The following TAF1B variants were observed in gnomAD, a reference collection of about 807,000 sequenced individuals.
The protein encoded by TAF1B is TATA box-binding protein-associated factor RNA polymerase I subunit B.
A neutral mutation model predicts 83.9 loss-of-function variants in TAF1B; 61 were observed. The observed-to-expected ratio is 0.73, with a 90% CI of 0.59 to 0.90. The LOEUF is 0.90. Ranked by LOEUF, TAF1B falls within the 40% of genes least tolerant of loss-of-function variation. The pLI is 0.00. For synonymous variants in TAF1B, 221 were observed against 224.6 expected, an observed-to-expected ratio of 0.98 and a Z score of 0.14; for missense variants, 625 against 677.0, an observed-to-expected ratio of 0.92 and a Z score of 0.85.
intron 3 of TAF1B, among the ~76,000 whole-genome samples, chr2:9,850,856 C>T (rs538871558): frequency 1.3e-5 from 2 of 152,154 alleles, no homozygotes; most frequent in East Asian, 3.8e-4. Flanking sequence ...AAATAACCCA[C>T]GTAAGATACC....
At chr2:9,851,114 TTCATTTAGGATTCTGCTGGGCATCGTTCA>T (rs1359015339) in intron 3 of TAF1B, among the ~76,000 whole-genome samples, 10 of 152,194 alleles carry the variant, frequency 6.6e-5, no homozygotes, top group African/African-American at 2.4e-4. Context: ...ACTTAGTCCT[TTCATTTAGGATTCTGCTGGGCATCGTTCA>T]TCATTTAGGA....
chr2:9,844,736 A>T (rs190129799), intron 1 of TAF1B, among the ~76,000 whole-genome samples: 33 of 152,210 alleles, frequency 2.2e-4, no homozygotes, highest in Admixed American at 5.2e-4. Flanking sequence ...TTGAATCCCC[A>T]GCACCTAGTA....
chr2:9,911,032 T>C (rs2241665), intron 10 of TAF1B, 119 bp downstream of exon 10: 498,716 of 837,544 alleles, frequency 0.6, 155,401 homozygotes, highest in Non-Finnish European at 0.66. Context: ...AAATTTGTAC[T>C]GTATTTACCT....
At chr2:9,926,689 A>T (rs757141232) in intron 14 of TAF1B, among the ~76,000 whole-genome samples, 7 of 151,736 alleles carry the variant, frequency 4.6e-5, no homozygotes, top group Non-Finnish European at 4.4e-5. Flanking sequence ...AAATACAAAA[A>T]TTAGCCGGGC....
At chr2:9,879,190 C>G (rs1349312176) in intron 7 of TAF1B, among the ~76,000 whole-genome samples, 1 of 152,172 alleles carries the variant, frequency 6.6e-6, no homozygotes, top group East Asian at 1.9e-4. Flanking sequence ...AAGAGATTAA[C>G]AACAATACCT....
chr2:9,923,522 A>G (rs1665940601), intron 14 of TAF1B, among the ~76,000 whole-genome samples: 1 of 152,008 alleles, frequency 6.6e-6, no homozygotes, highest in Non-Finnish European at 1.5e-5. Context: ...TCTACTAAAA[A>G]TACAAAATTA....
At position 9,868,408 on chromosome 2, in the gene TAF1B, G is replaced by A. The variant is rs1315480671; in HGVS notation, c.532G>A (p.Val178Ile). 10 of 1,612,526 alleles carry A rather than the reference G, an allele frequency of 6.2e-6. No individual in the cohort carries two copies. Among genetic ancestry groups the A allele is most frequent in the Middle Eastern group, 1.6e-4 (1 of 6,080 alleles). Residue 178 changes from valine (V) to isoleucine (I), a missense_variant, in exon 6 of 15, where the codon GTC (valine) becomes ATC (isoleucine). Transcript: ENST00000263663. ...CATCCACACTCGAAAACCTTTCCCC[G>A]TCAGCAAAGCATCACAATCAGGTAA... ...SDIHTRKPFP[V>I]SKASQSETSV...
chr2:9,876,247 C>T (rs1664319043), intron 7 of TAF1B, among the ~76,000 whole-genome samples: 1 of 152,150 alleles, frequency 6.6e-6, no homozygotes, highest in Non-Finnish European at 1.5e-5. Flanking sequence ...CACACATGGG[C>T]TATTGGAAAA....
At position 9,933,774 on chromosome 2, in the gene TAF1B, C is replaced by T. The variant is rs1291546809; in HGVS notation, c.1566-9C>T. The T allele has an allele frequency of 4.4e-6, 7 of 1,589,554 alleles. No individual in the cohort carries two copies. Among genetic ancestry groups the T allele is most frequent in the Admixed American group, 3.7e-5 (2 of 54,346 alleles). ...TAAAGATAAATTCTTTTTTCTTTTT[C>T]CCTTCTAGCTATTGTACACATGTGA... On this transcript the variant is annotated splice_polypyrimidine_tract_variant and intron_variant, in intron 14 of 14. Transcript: ENST00000263663.
intron 8 of TAF1B, among the ~76,000 whole-genome samples, chr2:9,894,293 T>A (rs1236477093): frequency 1.3e-5 from 2 of 151,956 alleles, no homozygotes; most frequent in African/African-American, 4.8e-5. Context: ...TTTTCTCACA[T>A]AGGTAGGAAA....
At position 9,855,329 on chromosome 2, in the gene TAF1B, C is replaced by G. The variant is rs184544279; in HGVS notation, c.399+908C>G. ...ATTTTTGATGTGTGGTACAGATGCCCCTTGCCATGGGGTCACATCCCGATA... is the reference window on the plus strand; with the variant it reads ...ATTTTTGATGTGTGGTACAGATGCCGCTTGCCATGGGGTCACATCCCGATA... On this transcript the variant is annotated intron_variant, in intron 5 of 14. Coordinates refer to ENST00000263663, the MANE Select transcript of TAF1B (RefSeq NM_005680.3). 3.1e-3 allele frequency among the ~76,000 whole-genome samples: 475 copies of G among 152,226 alleles called. 1 individual carries two copies. Among genetic ancestry groups the G allele is most frequent in the Non-Finnish European group, 5.2e-3 (354 of 67,988 alleles).
chr2:9,896,620 CAA>C (rs71391108), intron 8 of TAF1B, among the ~76,000 whole-genome samples: 1,758 of 66,588 alleles, frequency 0.026, 20 homozygotes, highest in Non-Finnish European at 0.035. Flanking sequence ...ATCTAAAAAC[CAA>C]AAAAAAAAAA....
Position 9,908,028 on chromosome 2 carries a change from CTTTTTTT to C in TAF1B, c.956-2679_956-2673del, listed in dbSNP as rs57261740. Among the ~76,000 whole-genome samples, 369 of 71,762 alleles carry C rather than the reference CTTTTTTT, an allele frequency of 5.1e-3. 56 individuals are homozygous for C. The highest frequency in any genetic ancestry group is 0.02 in the East Asian group (44 of 2,174). 47.1% of individuals were successfully genotyped at this position (71,762 alleles called of 152,430 possible). ...AGCGGAGCAGTTCAAGATCTTAATT[CTTTTTTT>C]TTTTTTTTTTTTTTTTTTTTTTTTT... On this transcript the variant is annotated intron_variant, in intron 9 of 14. Transcript: ENST00000263663.
At chr2:9,844,015 G>T (rs1280725049) in intron 1 of TAF1B, among the ~76,000 whole-genome samples, 1 of 152,076 alleles carries the variant, frequency 6.6e-6, no homozygotes, top group East Asian at 1.9e-4. Flanking sequence ...TCTAAATTCG[G>T]GTTTGGGAAC....
intron 14 of TAF1B, among the ~76,000 whole-genome samples, chr2:9,931,822 G>C (rs1033810018): frequency 1.7e-4 from 26 of 151,968 alleles, no homozygotes; most frequent in African/African-American, 6.3e-4. Flanking sequence ...ATGTAGATTT[G>C]GTCTTTTCAC....
chr2:9,864,623 A>G (rs1663899868), intron 5 of TAF1B, among the ~76,000 whole-genome samples: 1 of 152,220 alleles, frequency 6.6e-6, no homozygotes, highest in African/African-American at 2.4e-5. Context: ...AAAGCCTGGC[A>G]GAGACACAAC....
In TAF1B at chr2:9,919,709, A is replaced by G. The variant is rs776246422; in HGVS notation, c.1454A>G (p.Asp485Gly). The G allele has an allele frequency of 4.3e-6, 7 of 1,614,118 alleles. No homozygotes were observed. The Admixed American group carries it at 5.0e-5, about 12-fold the overall frequency. The change falls in exon 14 of 15, where the codon GAT becomes GGT. Residue 485 changes from aspartate to glycine, a missense_variant. Physicochemically the swap from Asp to Gly is moderately conservative, Grantham distance 94. Coordinates refer to ENST00000263663, the MANE Select transcript of TAF1B (RefSeq NM_005680.3). ...TTCAACTGGACTGAAGAGGACACTG[A>G]TAGAACGTGTTTCCATGGACACAGC... is the stretch of plus-strand genomic sequence containing the variant. ...FQFNWTEEDTDRTCFHGHSLQ... is the reference protein window; with the variant it reads ...FQFNWTEEDTGRTCFHGHSLQ...
Position 9,933,914 on chromosome 2 carries a change from A to G in TAF1B, c.1697A>G (p.Lys566Arg), listed in dbSNP as rs2125189272. 6.2e-7 allele frequency: 1 copy of G among 1,613,780 alleles called. No individual in the cohort carries two copies. The highest frequency in any genetic ancestry group is 8.5e-7 in the Non-Finnish European group (1 of 1,179,850). Residue 566 changes from lysine (K) to arginine (R), a missense_variant, in exon 15 of 15, where the codon AAG becomes AGG. Transcript: ENST00000263663. ...LLHEEVSLVEKKLFEKKYSVK... is the reference protein window; with the variant it reads ...LLHEEVSLVERKLFEKKYSVK... ...CATGAAGAAGTGAGCTTAGTTGAGAAGAAACTTTTTGAGAAAAAATACAGT... is the reference window on the plus strand; with the variant it reads ...CATGAAGAAGTGAGCTTAGTTGAGAGGAAACTTTTTGAGAAAAAATACAGT...
chr2:9,869,758 C>T (rs140482419), intron 6 of TAF1B, among the ~76,000 whole-genome samples: 9,567 of 151,836 alleles, frequency 0.063, 369 homozygotes, highest in East Asian at 0.16. Flanking sequence ...CACCTGTAGT[C>T]CCAGCTTCTT....
Sources: allele counts gnomAD v4.1 joint callset (sites outside exome capture counted in the v4.1 genomes callset), GRCh38; gene constraint gnomAD v4.1.1; transcripts MANE v1.5; gene names NCBI Gene and HGNC (gene_info 2026-07-23, HGNC 2026-07-21).